Variants in CACNA1B observed in about 807,000 individuals in gnomAD.
The protein encoded by CACNA1B is calcium voltage-gated channel subunit alpha1 B, also known as voltage-dependent N-type calcium channel subunit alpha-1B.
CACNA1B carries 70 observed loss-of-function variants against 247.2 expected under a neutral mutation model. That is an observed-to-expected ratio of 0.28 (90% CI 0.23 to 0.35). The LOEUF (loss-of-function observed/expected upper bound fraction) is 0.35. Ranked by LOEUF, CACNA1B falls within the 10% of genes least tolerant of loss-of-function variation. CACNA1B has a pLI of 1.00. For missense variants in CACNA1B, 2,367 were observed against 3,197.4 expected (o/e 0.74, Z 6.26); for synonymous variants, 1,231 against 1,294.4 (o/e 0.95, Z 1.05).
intron 6 of CACNA1B, among the ~76,000 whole-genome samples, chr9:137,946,791 C>T (rs1450493576): frequency 1.3e-5 from 2 of 152,156 alleles, no homozygotes. Context: ...AATGCTTCCC[C>T]TGTATGGAGC....
Position 138,028,282 on chromosome 9 carries a change from C to T in CACNA1B, c.3286+3110C>T, listed in dbSNP as rs373569113. On this transcript the variant is annotated intron_variant, in intron 20 of 46. Coordinates refer to ENST00000371372, the MANE Select transcript of CACNA1B (RefSeq NM_000718.4). ...AAGTGATCCACCTGTCTTGGCCTCC[C>T]GAAGTGCTGGGATTACAGGCGTGAG... Among the ~76,000 whole-genome samples, 1,231 of 152,156 alleles carry T rather than the reference C, an allele frequency of 8.1e-3. 18 individuals are homozygous for T. Among genetic ancestry groups the T allele is most frequent in the African/African-American group, 0.028 (1,160 of 41,532 alleles).
At chr9:137,984,647 G>C (rs1036128155) in intron 13 of CACNA1B, among the ~76,000 whole-genome samples, 1 of 152,146 alleles carries the variant, frequency 6.6e-6, no homozygotes, top group Non-Finnish European at 1.5e-5. Context: ...CTCCCCTGCA[G>C]CTCCACCCCT....
In CACNA1B at chr9:138,078,063, G is replaced by A. The variant is rs533032987; in HGVS notation, c.4950-51G>A. ...CACGCTTGGTAGCCCCACAGGGCTC[G>A]GGCTCCCTCAAGGGCCTCTGTGGGC... On this transcript the variant is annotated intron_variant, in intron 35 of 46. Coordinates refer to ENST00000371372, the MANE Select transcript of CACNA1B (RefSeq NM_000718.4). 564 of 1,580,594 alleles carry A rather than the reference G, an allele frequency of 3.6e-4. 1 individual carries two copies. The highest frequency in any genetic ancestry group is 4.0e-4 in the Non-Finnish European group (467 of 1,157,210).
chr9:138,064,273 A>G (rs148852920), intron 31 of CACNA1B, among the ~76,000 whole-genome samples: 189 of 152,268 alleles, frequency 1.2e-3, no homozygotes, highest in African/African-American at 4.5e-3. Context: ...TCCAGTGTGC[A>G]ATTTCTCAAG....
At position 138,082,122 on chromosome 9, in the gene CACNA1B, A is replaced by C. The variant is rs1317075628; in HGVS notation, c.5094+3864A>C. ...GAGTCTTAGATTTGACACCAGAATCACAATAAAAGAAAAAATAAATTTGTC... is the reference window on the plus strand; with the variant it reads ...GAGTCTTAGATTTGACACCAGAATCCCAATAAAAGAAAAAATAAATTTGTC... On this transcript the variant is annotated intron_variant, in intron 36 of 46. Transcript: ENST00000371372. 2.0e-5 allele frequency among the ~76,000 whole-genome samples: 3 copies of C among 151,468 alleles called. No homozygotes were observed. The East Asian group carries it at 6.1e-4, about 31-fold the overall frequency.
intron 34 of CACNA1B, 60 bp downstream of exon 34, chr9:138,074,126 G>T (rs1013874986): frequency 8.7e-7 from 1 of 1,147,968 alleles, no homozygotes; most frequent in Non-Finnish European, 1.3e-6. Context: ...GGAGCAGAGG[G>T]GCACTGATCA....
At chr9:138,113,171 C>T (rs1350746501) in intron 40 of CACNA1B, among the ~76,000 whole-genome samples, 3 of 123,996 alleles carry the variant, frequency 2.4e-5, no homozygotes, top group Non-Finnish European at 4.9e-5. Context: ...CTTATGGGAA[C>T]GTGAGGGAGC....
chr9:137,960,156 TGAGGAACGTGTGTGGCGGG>T (rs1398634765), intron 10 of CACNA1B, among the ~76,000 whole-genome samples: 120 of 62,236 alleles, frequency 1.9e-3, no homozygotes, highest in South Asian at 2.9e-3. Flanking sequence ...GAGCTTGGCC[TGAGGAACGTGTGTGGCGGG>T]GAGGGAAAGT....
chr9:137,940,699 T>C (rs1237645336), intron 6 of CACNA1B, among the ~76,000 whole-genome samples: 1 of 152,194 alleles, frequency 6.6e-6, no homozygotes, highest in Non-Finnish European at 1.5e-5. Flanking sequence ...TACAACAGTA[T>C]ATCAAGAAGA....
At chr9:138,049,605 C>T (rs1174255648) in intron 24 of CACNA1B, among the ~76,000 whole-genome samples, 1 of 152,166 alleles carries the variant, frequency 6.6e-6, no homozygotes, top group Non-Finnish European at 1.5e-5. Flanking sequence ...GCTGGGAGGC[C>T]CTGGTGCGGC....
rs986159289 is a variant in CACNA1B, at chr9:137,991,564, C to T, written c.1974+4710C>T. Among the ~76,000 whole-genome samples, 15 of 152,088 alleles carry T rather than the reference C, an allele frequency of 9.9e-5. No homozygotes were observed. The East Asian group carries it at 2.9e-3, about 29-fold the overall frequency. On this transcript the variant is annotated intron_variant, in intron 15 of 46. Transcript: ENST00000371372. ...ATCTAGACATCCAAATACAAGAACT[C>T]AAAAAACACACTTGGGAAATTCATT...
Position 138,013,140 on chromosome 9 carries a change from G to T in CACNA1B, c.2172G>T (p.Glu724Asp). The change falls in exon 18 of 47, where the codon GAG becomes GAT. Residue 724 changes from glutamate (E) to aspartate (D), a missense_variant. Glu to Asp is a conservative substitution (Grantham distance 45). Coordinates refer to ENST00000371372, the MANE Select transcript of CACNA1B (RefSeq NM_000718.4). ...CTTTGCTCAAACAGGATGAAGAGGA[G>T]ATGGAAGAAGCAGCCAATCAGAAGC... ...NAQELTKDEE[E>D]MEEAANQKLA... is the part of the protein sequence containing the mutation. 1 of 1,613,368 alleles carries T rather than the reference G, an allele frequency of 6.2e-7. No individual in the cohort carries two copies. Among genetic ancestry groups the T allele is most frequent in the Non-Finnish European group, 8.5e-7 (1 of 1,179,416 alleles).
In CACNA1B at chr9:138,123,269, G is replaced by A. The variant is rs1380692700; in HGVS notation, c.*1270G>A. 2.6e-5 allele frequency: 4 copies of A among 152,288 alleles called. No homozygotes were observed. The highest frequency in any genetic ancestry group is 4.8e-5 in the African/African-American group (2 of 41,468). The allele number at this position is 152,288 out of a possible 1,614,324, so 9.4% of individuals were successfully genotyped here. A position where few individuals can be genotyped will look rare whatever the true frequency, so the allele number is the denominator to read the frequency against. On this transcript the variant is annotated 3_prime_UTR_variant, in exon 47 of 47. Coordinates refer to ENST00000371372, the MANE Select transcript of CACNA1B (RefSeq NM_000718.4). ...AGAGCAAGTGACCGAGGGAGGACAC[G>A]GCTCCTGCCACTGAGGCCGGGCACC... is the stretch of plus-strand genomic sequence containing the variant.
chr9:137,879,008 G>A, intron 1 of CACNA1B, 46 bp from the exon 2 acceptor site: 1 of 1,309,256 alleles, frequency 7.6e-7, no homozygotes, highest in African/African-American at 1.5e-5. Context: ...TCGGCCTCGT[G>A]TTTCCCTCCG....
At chr9:137,921,460 C>T (rs533964434) in intron 6 of CACNA1B, among the ~76,000 whole-genome samples, 197 of 147,096 alleles carry the variant, frequency 1.3e-3, no homozygotes, top group Middle Eastern at 4.0e-3. Context: ...GTAAAGTGTT[C>T]GGAGAACATG....
rs112434084 is a variant in CACNA1B, at chr9:137,922,619, C to G, written c.966+5188C>G. Among the ~76,000 whole-genome samples the G allele has an allele frequency of 9.6e-3, 1,456 of 152,228 alleles. 8 individuals are homozygous for G. The highest frequency in any genetic ancestry group is 0.012 in the South Asian group (59 of 4,818). ...AAATCAGGGTGGCAACCGCAGATGA[C>G]TCTTGGAGGGAGCAGAGCAGTGGGA... On this transcript the variant is annotated intron_variant, in intron 6 of 46. Transcript: ENST00000371372.
intron 20 of CACNA1B, among the ~76,000 whole-genome samples, chr9:138,036,811 C>T (rs1385617200): frequency 6.6e-6 from 1 of 152,152 alleles, no homozygotes; most frequent in Non-Finnish European, 1.5e-5. Flanking sequence ...TTCTTGCTTT[C>T]TTGTGTATCA....
At position 138,073,743 on chromosome 9, in the gene CACNA1B, G is replaced by A. The variant is rs565043908; in HGVS notation, c.4791+139G>A. 13 of 654,698 alleles carry A rather than the reference G, an allele frequency of 2.0e-5. No homozygotes were observed. The highest frequency in any genetic ancestry group is 3.3e-5 in the Non-Finnish European group (12 of 366,904). 40.6% of individuals were successfully genotyped at this position (654,698 alleles called of 1,614,324 possible). A position where few individuals can be genotyped will look rare whatever the true frequency, so the allele number is the denominator to read the frequency against. Reference sequence around the variant, plus strand: ...GTTTCGTGGTTGTATGCATTGTCCTGTTGTCATTTATAAAGACGTTTTAAG... The same window carrying A: ...GTTTCGTGGTTGTATGCATTGTCCTATTGTCATTTATAAAGACGTTTTAAG... On this transcript the variant is annotated intron_variant, in intron 33 of 46. Coordinates refer to ENST00000371372, the MANE Select transcript of CACNA1B (RefSeq NM_000718.4). This position sits in a 1 kb window ranked among gnomAD's most constrained non-coding sequence, Gnocchi z 6.4.
Position 137,891,828 on chromosome 9 carries a change from C to G in CACNA1B, c.530+8945C>G. On this transcript the variant is annotated intron_variant, in intron 3 of 46. Coordinates refer to ENST00000371372, the MANE Select transcript of CACNA1B (RefSeq NM_000718.4). The surrounding 1 kb of genome is among the most constrained non-coding windows in gnomAD (Gnocchi z 4.3). ...AGCATCTCTACTCCAGCCAGACGGA[C>G]GCTAACGCAGATTCATTCCTAGCAG... The G allele has an allele frequency of 5.6e-6, 2 of 356,634 alleles. No individual in the cohort carries two copies. The highest frequency in any genetic ancestry group is 2.1e-5 in the South Asian group (1 of 47,806). 22.1% of individuals were successfully genotyped at this position (356,634 alleles called of 1,614,324 possible).
Sources: allele counts gnomAD v4.1 joint callset (sites outside exome capture counted in the v4.1 genomes callset), GRCh38; gene constraint gnomAD v4.1.1; non-coding constraint Gnocchi (gnomAD v3.1); transcripts MANE v1.5; gene names NCBI Gene and HGNC (gene_info 2026-07-23, HGNC 2026-07-21).